WASHC2A: variants seen among roughly 807,000 people sequenced by gnomAD.
WASHC2A encodes the protein WASH complex subunit 2A.
Under a neutral mutation model 140.3 loss-of-function variants are expected in WASHC2A, and 82 were observed. The observed-to-expected ratio is 0.58, with a 90% confidence interval of 0.49 to 0.70. The LOEUF is 0.70. WASHC2A is among the 30% of genes least tolerant of loss of function. The pLI is 0.00. For synonymous variants in WASHC2A, 340 were observed against 560.8 expected (o/e 0.61, Z 5.56); for missense variants, 985 against 1,521.8 (o/e 0.65, Z 5.87).
At chr10:50,126,689 T>A (rs1287375318) in intron 26 of WASHC2A, among the ~76,000 whole-genome samples, 2 of 151,824 alleles carry the variant, frequency 1.3e-5, no homozygotes, top group Non-Finnish European at 2.9e-5. Context: ...TCCCAGGGTG[T>A]CTCACTGAAG....
rs1843506534 is a variant in WASHC2A, at chr10:50,127,141, T to C, written c.2812-19T>C. ...TCTGTTTCCCAAATGGATTTTTAAC[T>C]GGATGTAATTTTACACAGGACTCAT... On this transcript the variant is annotated intron_variant, in intron 26 of 30. Transcript: ENST00000282633. 27 of 1,612,060 alleles carry C rather than the reference T, an allele frequency of 1.7e-5. No individual in the cohort carries two copies. In the South Asian group the frequency reaches 2.6e-4, roughly 16 times the overall value.
At chr10:50,109,508 A>G (rs1554889588) in intron 19 of WASHC2A, among the ~76,000 whole-genome samples, 4 of 152,090 alleles carry the variant, frequency 2.6e-5, no homozygotes, top group Non-Finnish European at 5.9e-5. Flanking sequence ...GATTCCCTGA[A>G]ATAGACAAGT....
intron 4 of WASHC2A, among the ~76,000 whole-genome samples, chr10:50,080,267 G>C (rs1333267084): frequency 6.6e-6 from 1 of 152,052 alleles, no homozygotes; most frequent in Non-Finnish European, 1.5e-5. Context: ...ATGTAGAACA[G>C]ATTTATAAAA....
chr10:50,081,733 A>G (rs1349891213), intron 5 of WASHC2A, among the ~76,000 whole-genome samples: 3 of 151,824 alleles, frequency 2.0e-5, no homozygotes, highest in Non-Finnish European at 4.4e-5. Context: ...CCTGGGTTCA[A>G]GCGATTCTCC....
At chr10:50,132,378 A>C (rs1383308859) in intron 30 of WASHC2A, among the ~76,000 whole-genome samples, 1 of 152,264 alleles carries the variant, frequency 6.6e-6, no homozygotes, top group Admixed American at 6.5e-5. Flanking sequence ...GAGATGCCTC[A>C]AATCAGTGCA....
At chr10:50,068,578 G>A (rs1837509272) in intron 2 of WASHC2A, among the ~76,000 whole-genome samples, 1 of 151,144 alleles carries the variant, frequency 6.6e-6, no homozygotes, top group East Asian at 1.9e-4. Flanking sequence ...CCAGTATGTG[G>A]ATATCCTTTA....
intron 17 of WASHC2A, among the ~76,000 whole-genome samples, chr10:50,103,244 A>ATTTACTTAATTT (rs1841392496): frequency 1.3e-5 from 2 of 151,036 alleles, no homozygotes; most frequent in African/African-American, 4.8e-5. Context: ...TTAAAAATAA[A>ATTTACTTAATTT]GTTTAATTTG....
chr10:50,089,979 G>A (rs1357331630), intron 8 of WASHC2A, among the ~76,000 whole-genome samples: 4 of 150,938 alleles, frequency 2.7e-5, no homozygotes, highest in Non-Finnish European at 4.4e-5. Context: ...GCGTGGTGGC[G>A]GGTGCCTGTA....
chr10:50,111,500 C>G (rs1438091239), intron 20 of WASHC2A, among the ~76,000 whole-genome samples: 6 of 152,132 alleles, frequency 3.9e-5, no homozygotes, highest in Admixed American at 2.6e-4. Context: ...ATTTGTTAAA[C>G]AAAAATAAAA....
chr10:50,129,836 A>G lies in WASHC2A; in HGVS notation c.3505A>G (p.Ser1169Gly). The change falls in exon 29 of 31, where the codon AGC (serine) becomes GGC (glycine). Residue 1169 changes from serine (S) to glycine (G), a missense_variant. Ser to Gly is a moderately conservative substitution (Grantham distance 56, BLOSUM62 0). Coordinates refer to ENST00000282633, the MANE Select transcript of WASHC2A (RefSeq NM_001005751.3). ...ANPPVGGKAK[S>G]PMFPALGEAS... is the part of the protein sequence containing the mutation. ...CCCACCAGTGGGTGGTAAAGCAAAGAGCCCCATGTTTCCTGCTCTAGGTGA... is the reference window on the plus strand; with the variant it reads ...CCCACCAGTGGGTGGTAAAGCAAAGGGCCCCATGTTTCCTGCTCTAGGTGA... The G allele has an allele frequency of 1.2e-5, 20 of 1,612,066 alleles. No homozygotes were observed. Among genetic ancestry groups the G allele is most frequent in the Non-Finnish European group, 1.7e-5 (20 of 1,179,868 alleles).
chr10:50,079,501 A>T (rs1838697881), intron 4 of WASHC2A, among the ~76,000 whole-genome samples: 1 of 152,138 alleles, frequency 6.6e-6, no homozygotes, highest in African/African-American at 2.4e-5. Context: ...GGTGCAAGTG[A>T]TTCTCCTGGC....
chr10:50,128,658 C>CT (rs1216833520), intron 28 of WASHC2A, among the ~76,000 whole-genome samples: 2 of 151,974 alleles, frequency 1.3e-5, no homozygotes, highest in East Asian at 1.9e-4. Context: ...TTTTCATTGG[C>CT]TTTTTTTTAG....
At chr10:50,109,313 A>G (rs1287071074) in intron 19 of WASHC2A, among the ~76,000 whole-genome samples, 2 of 152,238 alleles carry the variant, frequency 1.3e-5, no homozygotes, top group African/African-American at 4.8e-5. Context: ...GACTTGTGGT[A>G]AAAGGATTAC....
intron 17 of WASHC2A, among the ~76,000 whole-genome samples, chr10:50,100,459 G>A (rs1841010415): frequency 6.6e-6 from 1 of 152,312 alleles, no homozygotes; most frequent in South Asian, 2.1e-4. Context: ...TCCAGTCTGG[G>A]CGACAGAGCG....
intron 14 of WASHC2A, 124 bp from the exon 15 acceptor site, chr10:50,095,475 C>T: frequency 7.3e-7 from 1 of 1,378,240 alleles, no homozygotes; most frequent in Non-Finnish European, 1.0e-6. Context: ...GGCTATTGGG[C>T]CCTGTTATGC....
chr10:50,094,389 A>G (rs1203295739), intron 13 of WASHC2A, among the ~76,000 whole-genome samples: 1 of 146,592 alleles, frequency 6.8e-6, no homozygotes, highest in Non-Finnish European at 1.5e-5. Context: ...GGCTGGTCTT[A>G]AACTCCTATC....
chr10:50,082,372 C>T (rs1589164565), intron 5 of WASHC2A, among the ~76,000 whole-genome samples: 1 of 151,670 alleles, frequency 6.6e-6, no homozygotes, highest in Non-Finnish European at 1.5e-5. Flanking sequence ...AGTCCTTTGA[C>T]AAGGAAGAGA....
intron 3 of WASHC2A, among the ~76,000 whole-genome samples, chr10:50,076,235 G>A (rs1838300923): frequency 6.6e-6 from 1 of 152,166 alleles, no homozygotes; most frequent in African/African-American, 2.4e-5. Flanking sequence ...GCCTCCTAAA[G>A]TGCTGGGATT....
intron 3 of WASHC2A, among the ~76,000 whole-genome samples, chr10:50,069,987 G>T (rs527978180): frequency 6.6e-6 from 1 of 152,228 alleles, no homozygotes; most frequent in South Asian, 2.1e-4. Flanking sequence ...GCTGAATTTT[G>T]TGGCACTCAC....
Sources: gnomAD v4.1 joint callset for allele counts (sites outside exome capture counted in the v4.1 genomes callset) on GRCh38, gnomAD v4.1.1 for gene constraint, MANE v1.5 for transcripts, NCBI Gene and HGNC (gene_info 2026-07-23, HGNC 2026-07-21) for gene names.